Variants in RBCK1 observed in about 807,000 individuals in gnomAD.
RBCK1 encodes the protein ranBP-type and C3HC4-type zinc finger-containing protein 1.
Under a neutral mutation model 71.1 loss-of-function variants are expected in RBCK1, and 44 were observed. The ratio of observed to expected loss-of-function variants is 0.62; its 90% CI spans 0.49 to 0.80. The LOEUF is 0.80. RBCK1 is among the 30% of genes least tolerant of loss of function. RBCK1 has a pLI of 0.00. For missense variants in RBCK1, 569 were observed against 685.0 expected (o/e 0.83, Z 1.89); for synonymous variants, 306 against 279.7 (o/e 1.09, Z -0.94).
chr20:413,126 A>G (rs2015798368), intron 2 of RBCK1, among the ~76,000 whole-genome samples: 1 of 152,178 alleles, frequency 6.6e-6, no homozygotes, highest in Non-Finnish European at 1.5e-5. Context: ...TCTCATTTCT[A>G]TACCATTGAA....
chr20:409,021 G>A (rs2015541221), intron 1 of RBCK1, among the ~76,000 whole-genome samples: 2 of 152,234 alleles, frequency 1.3e-5, no homozygotes, highest in Admixed American at 1.3e-4. Context: ...GAGGACACAG[G>A]GCATTGAACT....
intron 2 of RBCK1, among the ~76,000 whole-genome samples, chr20:415,364 G>A (rs2015925432): frequency 1.1e-5 from 1 of 89,694 alleles, no homozygotes; most frequent in Non-Finnish European, 2.2e-5. Flanking sequence ...GTGAGACCCT[G>A]TCTCAAAAAA....
At chr20:411,703 G>T (rs1207985900) in intron 2 of RBCK1, among the ~76,000 whole-genome samples, 33 of 152,288 alleles carry the variant, frequency 2.2e-4, no homozygotes, top group Admixed American at 2.2e-3. Context: ...GTAGAGATAA[G>T]GTCTTGCTTT....
chr20:418,588 T>G (rs1255086525), intron 4 of RBCK1, among the ~76,000 whole-genome samples: 4 of 152,146 alleles, frequency 2.6e-5, no homozygotes, highest in Non-Finnish European at 5.9e-5. Context: ...CAGGATGGTC[T>G]CGATCTCCTG....
At chr20:424,647 G>A (rs984518371) in intron 8 of RBCK1, among the ~76,000 whole-genome samples, 5 of 152,176 alleles carry the variant, frequency 3.3e-5, no homozygotes, top group Non-Finnish European at 7.4e-5. Context: ...CTGGCCTGGA[G>A]AGACCTCATG....
rs1389922494 is a variant in RBCK1 at position 410,551 on chromosome 20, G to C, written c.167+526G>C. ...CACACTTCTTCCGTTAATTCCTGTG[G>C]ACCAGAACTGATTCCCACAGCTACA... On this transcript the variant is annotated intron_variant, in intron 2 of 11. Coordinates refer to ENST00000356286, the MANE Select transcript of RBCK1 (RefSeq NM_031229.4). The C allele has an allele frequency of 6.4e-6, 5 of 779,618 alleles. No homozygotes were observed. In the African/African-American group the frequency reaches 8.5e-5, roughly 13 times the overall value. The allele number at this position is 779,618 out of a possible 1,614,324, so 48.3% of individuals were successfully genotyped here. A position where few individuals can be genotyped will look rare whatever the true frequency, so the allele number is the denominator to read the frequency against.
rs978705180 is a variant in RBCK1 at position 428,718 on chromosome 20, C to G, written c.1308+129C>G. ...TCTGACCTCCCTTCTGGCTGTCACT[C>G]CCATCCGGAGGTGGGACTTAGGCCG... On this transcript the variant is annotated intron_variant, in intron 10 of 11. Coordinates refer to ENST00000356286, the MANE Select transcript of RBCK1 (RefSeq NM_031229.4). This position sits in a 1 kb window ranked among gnomAD's most constrained non-coding sequence, Gnocchi z 5.7. 31 of 1,364,188 alleles carry G rather than the reference C, an allele frequency of 2.3e-5. No individual in the cohort carries two copies. Among genetic ancestry groups the G allele is most frequent in the Non-Finnish European group, 2.7e-5 (28 of 1,022,126 alleles). The allele number at this position is 1,364,188 out of a possible 1,614,324, so 84.5% of individuals were successfully genotyped here. A position where few individuals can be genotyped will look rare whatever the true frequency, so the allele number is the denominator to read the frequency against.
At chr20:412,670 G>GT (rs1334256531) in intron 2 of RBCK1, among the ~76,000 whole-genome samples, 1 of 151,998 alleles carries the variant, frequency 6.6e-6, no homozygotes, top group Non-Finnish European at 1.5e-5. Context: ...ATTTTAGCTA[G>GT]AAGTACTTTA....
At chr20:423,753 T>C (rs1392961295) in intron 8 of RBCK1, among the ~76,000 whole-genome samples, 1 of 152,194 alleles carries the variant, frequency 6.6e-6, no homozygotes, top group African/African-American at 2.4e-5. Context: ...TAATTTGGGC[T>C]GGACTTACCT....
chr20:428,897 A>G lies in RBCK1; in HGVS notation c.1309-54A>G. On this transcript the variant is annotated intron_variant, in intron 10 of 11. Coordinates refer to ENST00000356286, the MANE Select transcript of RBCK1 (RefSeq NM_031229.4). This position sits in a 1 kb window ranked among gnomAD's most constrained non-coding sequence, Gnocchi z 5.7. The stretch of plus-strand genomic sequence containing the variant: ...CTTCTCCCTGCCATGGGGAGGGGCC[A>G]GGCTGGGTGACTGCCCCAGCCCCGC... 9.0e-6 allele frequency: 14 copies of G among 1,548,748 alleles called. No individual in the cohort carries two copies. The South Asian group carries it at 1.7e-4, about 19-fold the overall frequency.
At chr20:409,686 G>A (rs1354597212) in intron 1 of RBCK1, 195 bp from the exon 2 acceptor site, 1 of 724,732 alleles carries the variant, frequency 1.4e-6, no homozygotes, top group Non-Finnish European at 2.2e-6. Flanking sequence ...CCTAGTGTGA[G>A]GAGGAGTGGG....
Position 428,837 on chromosome 20 carries a change from A to G in RBCK1, c.1309-114A>G. ...ATGGAGCCTGGCCTGGCAGAGCCAC[A>G]CAGGAGAGACTCCACAGCTCTAGAG... On this transcript the variant is annotated intron_variant, in intron 10 of 11. Coordinates refer to ENST00000356286, the MANE Select transcript of RBCK1 (RefSeq NM_031229.4). This position sits in a 1 kb window ranked among gnomAD's most constrained non-coding sequence, Gnocchi z 5.7. 6.9e-7 allele frequency: 1 copy of G among 1,446,154 alleles called. No individual in the cohort carries two copies. The highest frequency in any genetic ancestry group is 1.5e-5 in the South Asian group (1 of 68,286). 89.6% of individuals were successfully genotyped at this position (1,446,154 alleles called of 1,614,324 possible).
intron 8 of RBCK1, among the ~76,000 whole-genome samples, chr20:425,268 C>A (rs2016647753): frequency 6.6e-6 from 1 of 152,186 alleles, no homozygotes; most frequent in Admixed American, 6.5e-5. Flanking sequence ...ACCTCGGCCT[C>A]CCAAAGTGCT....
intron 2 of RBCK1, among the ~76,000 whole-genome samples, chr20:411,575 A>G (rs2015711010): frequency 6.6e-6 from 1 of 151,618 alleles, no homozygotes; most frequent in East Asian, 1.9e-4. Flanking sequence ...CGCCGTGTTA[A>G]CCAGGATGGT....
intron 2 of RBCK1, among the ~76,000 whole-genome samples, chr20:416,820 GAC>G (rs1355954044): frequency 6.6e-6 from 1 of 152,164 alleles, no homozygotes; most frequent in East Asian, 1.9e-4. Context: ...AACATAGTGA[GAC>G]CCTGTCTCTA....
chr20:423,965 C>T (rs1040842721), intron 8 of RBCK1, among the ~76,000 whole-genome samples: 1 of 152,204 alleles, frequency 6.6e-6, no homozygotes, highest in Non-Finnish European at 1.5e-5. Context: ...CAAGAGCAGC[C>T]ATGGGGAGCC....
Position 419,468 on chromosome 20 carries a change from G to T in RBCK1, c.582G>T (p.Pro194=). 1 of 1,605,654 alleles carries T rather than the reference G, an allele frequency of 6.2e-7. No homozygotes were observed. Among genetic ancestry groups the T allele is most frequent in the Non-Finnish European group, 8.5e-7 (1 of 1,176,152 alleles). ...CAGATGCAGTGCCTGAGCCCCCACC[G>T]GTAAGCTGTCCTTGGCCTCAGTATC... ...GQPDAVPEPP[P]VGWQCPGCTF... Residue 194 remains proline (P), a splice_region_variant and synonymous_variant, in exon 5 of 12, where the codon CCG becomes CCT. Coordinates refer to ENST00000356286, the MANE Select transcript of RBCK1 (RefSeq NM_031229.4).
chr20:418,939 CT>C (rs752060848), intron 4 of RBCK1, among the ~76,000 whole-genome samples: 1 of 152,218 alleles, frequency 6.6e-6, no homozygotes, highest in Non-Finnish European at 1.5e-5. Flanking sequence ...ACTTGGCATT[CT>C]GCTGTCATGT....
In RBCK1 at chr20:408,707, A is replaced by C; in HGVS notation, c.-51A>C. ...CTCTCCCAGGCGACCCGGAGGTAGC[A>C]TTTCCCAGGAGGCACGGTCCCCCCC... On this transcript the variant is annotated 5_prime_UTR_variant, in exon 1 of 12. Transcript: ENST00000356286. 6.2e-7 allele frequency: 1 copy of C among 1,608,756 alleles called. No homozygotes were observed. Among genetic ancestry groups the C allele is most frequent in the Non-Finnish European group, 8.5e-7 (1 of 1,178,372 alleles).
Sources: allele counts gnomAD v4.1 joint callset (sites outside exome capture counted in the v4.1 genomes callset), GRCh38; gene constraint gnomAD v4.1.1; non-coding constraint Gnocchi (gnomAD v3.1); transcripts MANE v1.5; gene names NCBI Gene and HGNC (gene_info 2026-07-23, HGNC 2026-07-21).